The following MIER1 variants were observed in gnomAD, a reference collection of about 807,000 sequenced individuals.
MIER1 encodes mesoderm induction early response protein 1.
MIER1 carries 40 observed loss-of-function variants against 75.7 expected under a neutral mutation model. The observed-to-expected ratio is 0.53, with a 90% CI of 0.41 to 0.69. The LOEUF (loss-of-function observed/expected upper bound fraction) is 0.69, where lower values mean the gene tolerates loss of function less well. MIER1 is among the 30% of genes least tolerant of loss of function. The pLI is 0.00. For synonymous variants in MIER1, 213 were observed against 223.4 expected, an observed-to-expected ratio of 0.95 and a Z score of 0.42; for missense variants, 574 against 680.2, an observed-to-expected ratio of 0.84 and a Z score of 1.74.
intron 4 of MIER1, among the ~76,000 whole-genome samples, chr1:66,949,210 A>T (rs907079759): frequency 6.6e-6 from 1 of 152,184 alleles, no homozygotes; most frequent in African/African-American, 2.4e-5. Context: ...TATTAGCTAA[A>T]ATACTAATTA....
intron 8 of MIER1, among the ~76,000 whole-genome samples, chr1:66,967,025 T>C (rs556374393): frequency 9.2e-5 from 14 of 152,318 alleles, no homozygotes; most frequent in Middle Eastern, 6.8e-3. Context: ...TGATCCTATT[T>C]GTCTATTTTT....
chr1:66,944,754 C>T (rs1489552417), intron 3 of MIER1, among the ~76,000 whole-genome samples: 1 of 151,848 alleles, frequency 6.6e-6, no homozygotes, highest in East Asian at 1.9e-4. Flanking sequence ...AAGTCAGGGC[C>T]TTGCTCTGTC....
At chr1:66,983,087 C>G (rs1570557720) in intron 13 of MIER1, among the ~76,000 whole-genome samples, 1 of 152,254 alleles carries the variant, frequency 6.6e-6, no homozygotes, top group East Asian at 1.9e-4. Flanking sequence ...GGAAAGTGTT[C>G]ATAAGTTACT....
chr1:66,958,201 G>A lies in MIER1; in HGVS notation c.482G>A (p.Gly161Asp), dbSNP rs1342985036. The A allele has an allele frequency of 2.5e-6, 4 of 1,601,534 alleles. No individual in the cohort carries two copies. The highest frequency in any genetic ancestry group is 3.4e-6 in the Non-Finnish European group (4 of 1,169,278). ...DEDADNDDNS[G>D]CSGENKEENI... ...GATGCTGATAATGATGACAACAGTG[G>A]CTGTAGTGGGGAAAATAAAGTAAGT... Residue 161 changes from glycine to aspartate, a missense_variant, in exon 5 of 14, where the codon GGC becomes GAC. This residue lies in a region of MIER1 where 309 missense variants were observed against 352.8 expected (regional missense o/e 0.88). Transcript: ENST00000401041.
At chr1:66,926,488 T>G (rs116538367) in intron 2 of MIER1, among the ~76,000 whole-genome samples, 171 of 152,306 alleles carry the variant, frequency 1.1e-3, no homozygotes, top group African/African-American at 3.8e-3. Context: ...AATCCAAAAC[T>G]GTTATTTGAA....
intron 4 of MIER1, among the ~76,000 whole-genome samples, chr1:66,956,382 C>G (rs918738125): frequency 2.6e-5 from 4 of 152,142 alleles, no homozygotes; most frequent in African/African-American, 7.2e-5. Context: ...CCACTGCACT[C>G]CAGCCTGGGT....
chr1:66,936,113 A>C (rs1487974849), intron 2 of MIER1, among the ~76,000 whole-genome samples: 2 of 152,304 alleles, frequency 1.3e-5, no homozygotes, highest in South Asian at 4.1e-4. Flanking sequence ...TTATGAGTAC[A>C]TGTTAAATAT....
At chr1:66,934,599 T>C (rs1654309693) in intron 2 of MIER1, among the ~76,000 whole-genome samples, 1 of 131,488 alleles carries the variant, frequency 7.6e-6, no homozygotes, top group East Asian at 2.3e-4. Flanking sequence ...GGAGACAGGG[T>C]CTCGATATGT....
chr1:66,943,866 C>T (rs1160822632), intron 3 of MIER1, among the ~76,000 whole-genome samples: 2 of 152,178 alleles, frequency 1.3e-5, no homozygotes, highest in Non-Finnish European at 2.9e-5. Context: ...TTACAGGAGG[C>T]TTGGAGTCCA....
In MIER1 at chr1:66,958,216, ATAAAG is replaced by A. The variant is rs1558069468; in HGVS notation, c.501_501+4del. The A allele has an allele frequency of 6.3e-7, 1 of 1,598,574 alleles. No individual in the cohort carries two copies. Among genetic ancestry groups the A allele is most frequent in the Non-Finnish European group, 8.6e-7 (1 of 1,166,702 alleles). ...GACAACAGTGGCTGTAGTGGGGAAA[ATAAAG>A]TAAGTCTATATACATATATTTAAGA... On this transcript the variant is annotated splice_donor_variant and coding_sequence_variant, in exon 5 of 14. Transcript: ENST00000401041. LOFTEE classifies it high-confidence loss of function.
At chr1:66,962,238 C>T (rs1661391849) in intron 7 of MIER1, among the ~76,000 whole-genome samples, 1 of 152,062 alleles carries the variant, frequency 6.6e-6, no homozygotes, top group African/African-American at 2.4e-5. Context: ...TACTGGATTT[C>T]CTATTTAATT....
chr1:66,936,535 G>A (rs1654884113), intron 2 of MIER1, among the ~76,000 whole-genome samples: 1 of 151,858 alleles, frequency 6.6e-6, no homozygotes, highest in African/African-American at 2.4e-5. Context: ...GCCCACCTTA[G>A]TTTTGTTTTT....
At chr1:66,933,133 A>G (rs1040255840) in intron 2 of MIER1, among the ~76,000 whole-genome samples, 13 of 152,106 alleles carry the variant, frequency 8.5e-5, no homozygotes, top group African/African-American at 3.1e-4. Flanking sequence ...TTATTTACCA[A>G]CCTTCTAAAA....
In MIER1 at chr1:66,976,584, G is replaced by A. The variant is rs1337119815; in HGVS notation, c.1102-11G>A. ...AGGAGATTCTTAAAAGCAAGCATTT[G>A]TTTCTTACAGGTCCGAACAAGGTCA... is the stretch of plus-strand genomic sequence containing the variant. On this transcript the variant is annotated splice_polypyrimidine_tract_variant and intron_variant, in intron 11 of 13. Transcript: ENST00000401041. The A allele has an allele frequency of 1.2e-5, 19 of 1,552,828 alleles. No homozygotes were observed. Among genetic ancestry groups the A allele is most frequent in the Non-Finnish European group, 1.6e-5 (19 of 1,151,952 alleles).
chr1:66,925,186 T>A, intron 1 of MIER1, 91 bp downstream of exon 1: 1 of 1,464,560 alleles, frequency 6.8e-7, no homozygotes, highest in South Asian at 1.4e-5. Flanking sequence ...TTTCTCTCCT[T>A]CCCCTCCCCC....
At chr1:66,954,173 T>A (rs1659607156) in intron 4 of MIER1, among the ~76,000 whole-genome samples, 1 of 152,178 alleles carries the variant, frequency 6.6e-6, no homozygotes, top group African/African-American at 2.4e-5. Context: ...GGTGAATGTG[T>A]AGTGAATGAT....
chr1:66,927,246 A>C (rs1652045154), intron 2 of MIER1, among the ~76,000 whole-genome samples: 1 of 152,138 alleles, frequency 6.6e-6, no homozygotes, highest in African/African-American at 2.4e-5. Flanking sequence ...ACTTTGCCTG[A>C]AAATAAGGAG....
chr1:66,982,246 A>C (rs1666035031), intron 13 of MIER1, among the ~76,000 whole-genome samples: 1 of 152,216 alleles, frequency 6.6e-6, no homozygotes, highest in African/African-American at 2.4e-5. Context: ...CTCTTAGGTC[A>C]AAACCCTGCA....
intron 2 of MIER1, among the ~76,000 whole-genome samples, chr1:66,938,463 G>A (rs1655434099): frequency 6.6e-6 from 1 of 152,126 alleles, no homozygotes; most frequent in Non-Finnish European, 1.5e-5. Flanking sequence ...AGAAGATTGT[G>A]CCTACAGTTG....
Sources: allele counts gnomAD v4.1 joint callset (sites outside exome capture counted in the v4.1 genomes callset), GRCh38; gene constraint gnomAD v4.1.1; regional missense constraint gnomAD v4.1.1; transcripts MANE v1.5; gene names NCBI Gene and HGNC (gene_info 2026-07-23, HGNC 2026-07-21).